GAN: variants seen among roughly 807,000 people sequenced by gnomAD.
GAN encodes the protein epididymis secretory sperm binding protein.
GAN carries 48 observed loss-of-function variants against 71.3 expected under a neutral mutation model. The ratio of observed to expected loss-of-function variants is 0.67; its 90% CI spans 0.53 to 0.86. The LOEUF is 0.86. Ranked by LOEUF, GAN falls within the 40% of genes least tolerant of loss-of-function variation. The pLI, the probability that GAN is intolerant of heterozygous loss-of-function variation, is 0.00. For synonymous variants in GAN, 386 were observed against 276.8 expected (o/e 1.39, Z -3.92); for missense variants, 928 against 770.1 (o/e 1.21, Z -2.43).
chr16:81,357,699 T>G, intron 4 of GAN, 111 bp from the exon 5 acceptor site: 3 of 1,074,412 alleles, frequency 2.8e-6, no homozygotes, highest in Non-Finnish European at 4.3e-6. Flanking sequence ...TCCACAAGGG[T>G]TTTTAAAAAA....
At chr16:81,359,731 T>G (rs370848578) in intron 5 of GAN, among the ~76,000 whole-genome samples, 1 of 152,206 alleles carries the variant, frequency 6.6e-6, no homozygotes, top group East Asian at 1.9e-4. Flanking sequence ...AGACCACAGA[T>G]AGTGCTGAAC....
At chr16:81,325,295 G>A (rs1420168708) in intron 1 of GAN, among the ~76,000 whole-genome samples, 1 of 152,160 alleles carries the variant, frequency 6.6e-6, no homozygotes, top group Non-Finnish European at 1.5e-5. Flanking sequence ...CTACTTGGGC[G>A]ATCACATATG....
intron 9 of GAN, among the ~76,000 whole-genome samples, chr16:81,374,164 T>C (rs1033439852): frequency 1.3e-5 from 2 of 152,220 alleles, no homozygotes; most frequent in African/African-American, 2.4e-5. Flanking sequence ...AGACTGAGGT[T>C]ATGCAGTTTG....
Position 81,385,992 on chromosome 16 carries a change from C to G in GAN, c.*8396C>G, listed in dbSNP as rs1017800590. ...TCTCGAGCTCCTGAGCTCAGGCAAT[C>G]CGCCTGCCTCAACCTCCCAAAGTGC... is the stretch of plus-strand genomic sequence containing the variant. On this transcript the variant is annotated 3_prime_UTR_variant, in exon 11 of 11. Coordinates refer to ENST00000648994, the MANE Select transcript of GAN (RefSeq NM_022041.4). The G allele has an allele frequency of 1.3e-5, 2 of 152,138 alleles. No homozygotes were observed. Among genetic ancestry groups the G allele is most frequent in the South Asian group, 4.1e-4 (2 of 4,828 alleles). 9.4% of individuals were successfully genotyped at this position (152,138 alleles called of 1,614,324 possible). A position where few individuals can be genotyped will look rare whatever the true frequency, so the allele number is the denominator to read the frequency against.
chr16:81,377,237 C>T lies in GAN; in HGVS notation c.1521C>T (p.Asp507=), dbSNP rs768737533. 2 of 1,607,424 alleles carry T rather than the reference C, an allele frequency of 1.2e-6. No individual in the cohort carries two copies. Among genetic ancestry groups the T allele is most frequent in the Non-Finnish European group, 1.7e-6 (2 of 1,173,940 alleles). The change falls in exon 10 of 11, where the codon GAC becomes GAT. Residue 507 remains aspartate, a synonymous_variant. Coordinates refer to ENST00000648994, the MANE Select transcript of GAN (RefSeq NM_022041.4). ...DEFKRWIYLN[D]QNLCIPASSS... ...TTTTCAGGTGGATCTATCTTAACGA[C>T]CAGAATTTATGCATCCCCGCCAGTT...
At chr16:81,340,323 C>T (rs761517381) in intron 1 of GAN, among the ~76,000 whole-genome samples, 1 of 152,134 alleles carries the variant, frequency 6.6e-6, no homozygotes, top group Non-Finnish European at 1.5e-5. Flanking sequence ...TAATAAAACC[C>T]ATCCAGTCAC....
At chr16:81,320,905 C>T (rs762223991) in intron 1 of GAN, among the ~76,000 whole-genome samples, 1 of 151,682 alleles carries the variant, frequency 6.6e-6, no homozygotes, top group Non-Finnish European at 1.5e-5. Flanking sequence ...AGTGATTTTC[C>T]TTTTCTTTTT....
intron 9 of GAN, among the ~76,000 whole-genome samples, chr16:81,376,153 A>G (rs1904278970): frequency 1.3e-5 from 2 of 152,042 alleles, no homozygotes; most frequent in South Asian, 2.1e-4. Flanking sequence ...GGAGTGCAAA[A>G]TTATGGCACA....
chr16:81,364,446 A>G (rs1021092298), intron 7 of GAN, among the ~76,000 whole-genome samples: 1 of 152,032 alleles, frequency 6.6e-6, no homozygotes, highest in African/African-American at 2.4e-5. Flanking sequence ...TTGTTTTTTT[A>G]AGTAGAGATA....
chr16:81,377,572 C>T lies in GAN; in HGVS notation c.1770C>T (p.Phe590=). 6.2e-7 allele frequency: 1 copy of T among 1,614,170 alleles called. No individual in the cohort carries two copies. Among genetic ancestry groups the T allele is most frequent in the Non-Finnish European group, 8.5e-7 (1 of 1,180,012 alleles). The change falls in exon 11 of 11, where the codon TTC becomes TTT. Residue 590 remains phenylalanine (F), a synonymous_variant. Coordinates refer to ENST00000648994, the MANE Select transcript of GAN (RefSeq NM_022041.4). The part of the protein sequence containing the change: ...LFRLQLQQGL[F]RIRVHSP The stretch of plus-strand genomic sequence containing the variant: ...GCCTGCAGCTTCAGCAAGGCTTATT[C>T]CGTATTCGTGTTCATTCCCCTTGAG...
chr16:81,338,587 A>G (rs1909842020), intron 1 of GAN, among the ~76,000 whole-genome samples: 1 of 152,230 alleles, frequency 6.6e-6, no homozygotes, highest in African/African-American at 2.4e-5. Flanking sequence ...ATGAAAGTAT[A>G]TGGAAGGAAA....
At chr16:81,365,288 C>T (rs938969930) in intron 8 of GAN, 62 bp from the exon 9 acceptor site, 7 of 1,607,378 alleles carry the variant, frequency 4.4e-6, no homozygotes, top group East Asian at 2.2e-5. Flanking sequence ...ATAAGAGGAA[C>T]GCGGGAGTGA....
chr16:81,350,218 G>A (rs57928297), intron 1 of GAN, among the ~76,000 whole-genome samples: 2 of 152,114 alleles, frequency 1.3e-5, no homozygotes, highest in South Asian at 2.1e-4. Flanking sequence ...ATGAACAAAC[G>A]TTTTGCAAAA....
At chr16:81,355,309 C>G (rs1185632509) in intron 3 of GAN, among the ~76,000 whole-genome samples, 1 of 152,196 alleles carries the variant, frequency 6.6e-6, no homozygotes, top group East Asian at 1.9e-4. Context: ...ATATCAGCCT[C>G]TAGATCCAAA....
At chr16:81,366,247 T>C (rs1910853449) in intron 9 of GAN, among the ~76,000 whole-genome samples, 1 of 152,244 alleles carries the variant, frequency 6.6e-6, no homozygotes, top group Admixed American at 6.5e-5. Context: ...TCGTCAGCTC[T>C]GTATCCTGGC....
chr16:81,383,251 T>C lies in GAN; in HGVS notation c.*5655T>C, dbSNP rs2150702147. 7.3e-6 allele frequency: 1 copy of C among 137,858 alleles called. No individual in the cohort carries two copies. The highest frequency in any genetic ancestry group is 1.6e-5 in the Non-Finnish European group (1 of 64,014). The allele number at this position is 137,858 out of a possible 1,614,324, so 8.5% of individuals were successfully genotyped here. ...ATGACTGTTGCCCTCTCTTTTTTTT[T>C]TTTTTTTTTTTTTTTTTTTGAGACG... is the stretch of plus-strand genomic sequence containing the variant. On this transcript the variant is annotated 3_prime_UTR_variant, in exon 11 of 11. Transcript: ENST00000648994.
intron 9 of GAN, among the ~76,000 whole-genome samples, chr16:81,376,442 A>G (rs929572385): frequency 2.0e-5 from 3 of 149,150 alleles, no homozygotes; most frequent in Non-Finnish European, 3.0e-5. Flanking sequence ...CAACATGGCA[A>G]TATCCCATCT....
At chr16:81,357,751 A>G in intron 4 of GAN, 59 bp from the exon 5 acceptor site, 9 of 1,481,640 alleles carry the variant, frequency 6.1e-6, no homozygotes, top group Non-Finnish European at 8.5e-6. Flanking sequence ...AGTGATGGCT[A>G]CTTATAAAAA....
At chr16:81,367,876 T>C (rs373097930) in intron 9 of GAN, among the ~76,000 whole-genome samples, 2 of 152,200 alleles carry the variant, frequency 1.3e-5, no homozygotes, top group Admixed American at 1.3e-4. Flanking sequence ...CCACGCTAGA[T>C]TGACTTAAAA....
Sources: gnomAD v4.1 joint callset for allele counts (sites outside exome capture counted in the v4.1 genomes callset) on GRCh38, gnomAD v4.1.1 for gene constraint, MANE v1.5 for transcripts, NCBI Gene and HGNC (gene_info 2026-07-23, HGNC 2026-07-21) for gene names.